Variants in FAM193A observed in about 807,000 individuals in gnomAD.
The protein encoded by FAM193A is family with sequence similarity 193 member A.
In FAM193A, 22 loss-of-function variants were observed where a neutral mutation model predicts 126.5. The observed-to-expected ratio is 0.17, with a 90% CI of 0.12 to 0.25. The LOEUF is 0.25. Ranked by LOEUF, FAM193A falls within the 10% of genes least tolerant of loss-of-function variation. The pLI is 1.00. For missense variants in FAM193A, 1,675 were observed against 1,672.8 expected (o/e 1.00, Z -0.02); for synonymous variants, 761 against 646.8 (o/e 1.18, Z -2.68).
chr4:2,620,836 CAAAAAA>C (rs34305537), intron 2 of FAM193A, among the ~76,000 whole-genome samples: 3 of 69,094 alleles, frequency 4.3e-5, no homozygotes, highest in African/African-American at 1.2e-4. Flanking sequence ...AACTCCGTCT[CAAAAAA>C]AAAAAAAAAA....
At chr4:2,567,228 GTGAGCCACCACGCCCGGCC>G (rs368753812) in intron 1 of FAM193A, among the ~76,000 whole-genome samples, 4,578 of 151,714 alleles carry the variant, frequency 0.03, 237 homozygotes, top group African/African-American at 0.1. Context: ...GATTACAGGC[GTGAGCCACCACGCCCGGCC>G]TGAGCCACCA....
intron 12 of FAM193A, 151 bp downstream of exon 12, chr4:2,663,439 T>A (rs1446654655): frequency 1.7e-6 from 1 of 597,272 alleles, no homozygotes; most frequent in Non-Finnish European, 2.7e-6. Context: ...CAATCTCCAT[T>A]TGAATCTTGT....
chr4:2,604,770 TTTTTTTC>T (rs1231748164), intron 2 of FAM193A, among the ~76,000 whole-genome samples: 13 of 151,022 alleles, frequency 8.6e-5, no homozygotes, highest in Non-Finnish European at 1.5e-4. Context: ...GAGAGTCTGC[TTTTTTTC>T]TTTTTTCTTT....
At chr4:2,550,482 G>T (rs1006808948) in intron 1 of FAM193A, among the ~76,000 whole-genome samples, 1 of 152,002 alleles carries the variant, frequency 6.6e-6, no homozygotes, top group Non-Finnish European at 1.5e-5. Flanking sequence ...TGGTGCCCAG[G>T]CTGCAGTGTA....
chr4:2,666,671 A>G (rs1047601113), intron 12 of FAM193A, among the ~76,000 whole-genome samples: 6 of 152,216 alleles, frequency 3.9e-5, no homozygotes, highest in African/African-American at 1.4e-4. Flanking sequence ...GTAATTACTA[A>G]TTCAAGTTTC....
intron 2 of FAM193A, among the ~76,000 whole-genome samples, chr4:2,616,837 G>A (rs1039248651): frequency 4.0e-5 from 6 of 150,028 alleles, no homozygotes; most frequent in Middle Eastern, 3.2e-3. Flanking sequence ...AAGTGCTGGG[G>A]TTACAGGTGT....
intron 1 of FAM193A, among the ~76,000 whole-genome samples, chr4:2,567,228 G>GTGAGCCACCACGCCCGGCC (rs368753812): frequency 5.8e-4 from 88 of 151,756 alleles, no homozygotes; most frequent in East Asian, 3.7e-3. Flanking sequence ...GATTACAGGC[G>GTGAGCCACCACGCCCGGCC]TGAGCCACCA....
intron 12 of FAM193A, among the ~76,000 whole-genome samples, chr4:2,670,182 A>T (rs1415386813): frequency 6.6e-6 from 1 of 152,102 alleles, no homozygotes; most frequent in Non-Finnish European, 1.5e-5. Context: ...TCAAGTTCAC[A>T]GATGATTTTT....
chr4:2,573,153 C>T (rs752205465), intron 1 of FAM193A, among the ~76,000 whole-genome samples: 5 of 152,050 alleles, frequency 3.3e-5, no homozygotes, highest in Admixed American at 6.6e-5. Flanking sequence ...TTGTGTCTCT[C>T]CCTCTCCTGA....
chr4:2,724,409 C>T (rs532304328), intron 20 of FAM193A, among the ~76,000 whole-genome samples: 16 of 152,194 alleles, frequency 1.1e-4, no homozygotes, highest in Admixed American at 2.6e-4. Context: ...TACCAAAACA[C>T]ATCTTACTTT....
intron 1 of FAM193A, among the ~76,000 whole-genome samples, chr4:2,580,291 C>T (rs1362865332): frequency 6.6e-6 from 1 of 152,006 alleles, no homozygotes; most frequent in African/African-American, 2.4e-5. Flanking sequence ...AACACATGGA[C>T]ACGTAGAGGG....
intron 19 of FAM193A, among the ~76,000 whole-genome samples, chr4:2,702,795 G>T (rs1487234532): frequency 6.6e-6 from 1 of 152,178 alleles, no homozygotes; most frequent in Non-Finnish European, 1.5e-5. Flanking sequence ...CATGCTTTCG[G>T]TATTTGTTCA....
intron 5 of FAM193A, among the ~76,000 whole-genome samples, chr4:2,634,590 A>C (rs1305346616): frequency 1.3e-5 from 2 of 152,242 alleles, no homozygotes; most frequent in African/African-American, 4.8e-5. Flanking sequence ...GTTAAGGATT[A>C]ATACTCTAAA....
chr4:2,704,664 C>A (rs1485597392), intron 19 of FAM193A, among the ~76,000 whole-genome samples: 1 of 152,222 alleles, frequency 6.6e-6, no homozygotes, highest in Non-Finnish European at 1.5e-5. Context: ...AGCCCACCCA[C>A]CAGCAGCATC....
intron 18 of FAM193A, 152 bp downstream of exon 18, chr4:2,696,745 G>T (rs1012220870): frequency 1.6e-6 from 1 of 618,660 alleles, no homozygotes. Context: ...GAGCCAGCCT[G>T]TCTCTGGTGG....
At chr4:2,565,836 A>G (rs979830071) in intron 1 of FAM193A, among the ~76,000 whole-genome samples, 3 of 152,204 alleles carry the variant, frequency 2.0e-5, no homozygotes, top group African/African-American at 7.2e-5. Flanking sequence ...TTTGCTGGCT[A>G]TCTTTTGGCA....
In FAM193A at chr4:2,672,144, T is replaced by G. The variant is rs760289138; in HGVS notation, c.2103T>G (p.Cys701Trp). Residue 701 changes from cysteine (C) to tryptophan (W), a missense_variant, in exon 13 of 21, where the codon TGT (cysteine) becomes TGG (tryptophan). Coordinates refer to ENST00000637812, the MANE Select transcript of FAM193A (RefSeq NM_001366318.2). ...TQQAEQAPNT[C>W]ECHVCKQEAS... ...AGGCTGAACAAGCTCCAAACACTTG[T>G]GAATGTCATGTTTGTAAGCAGGAAG... 1 of 1,614,206 alleles carries G rather than the reference T, an allele frequency of 6.2e-7. No individual in the cohort carries two copies. The highest frequency in any genetic ancestry group is 8.5e-7 in the Non-Finnish European group (1 of 1,180,010).
intron 1 of FAM193A, among the ~76,000 whole-genome samples, chr4:2,548,517 C>A (rs1301746379): frequency 6.6e-6 from 1 of 151,396 alleles, no homozygotes; most frequent in Non-Finnish European, 1.5e-5. Context: ...AGTGTGGTGG[C>A]ATGATCTCGG....
chr4:2,544,870 T>TA (rs939431812), intron 1 of FAM193A, among the ~76,000 whole-genome samples: 32 of 150,958 alleles, frequency 2.1e-4, no homozygotes, highest in Admixed American at 6.0e-4. Flanking sequence ...GACCTCATCT[T>TA]AAAAAAAAAC....
Sources: allele counts gnomAD v4.1 joint callset (sites outside exome capture counted in the v4.1 genomes callset), GRCh38; gene constraint gnomAD v4.1.1; transcripts MANE v1.5; gene names NCBI Gene and HGNC (gene_info 2026-07-23, HGNC 2026-07-21).